Variants in CDIN1 observed in about 807,000 individuals in gnomAD.
CDIN1 encodes the protein CDAN1 interacting nuclease 1, also known as CDAN1-interacting nuclease 1.
In CDIN1, 33 loss-of-function variants were observed where a neutral mutation model predicts 45.3. That is an observed-to-expected ratio of 0.73 (90% CI 0.55 to 0.97). The LOEUF is 0.97. Ranked by LOEUF, CDIN1 falls within the 50% of genes least tolerant of loss-of-function variation. The probability of loss-of-function intolerance (pLI) is 0.00; values close to 1 mark genes in which losing one functional copy is unlikely to be tolerated. For synonymous variants in CDIN1, 118 were observed against 124.4 expected, an observed-to-expected ratio of 0.95 and a Z score of 0.34; for missense variants, 303 against 339.4, an observed-to-expected ratio of 0.89 and a Z score of 0.84.
At chr15:36,585,639 A>C (rs2037260951) in intron 1 of CDIN1, among the ~76,000 whole-genome samples, 1 of 152,148 alleles carries the variant, frequency 6.6e-6, no homozygotes, top group Non-Finnish European at 1.5e-5. Flanking sequence ...CACTTGATTA[A>C]GGTGGTGTCT....
intron 10 of CDIN1, among the ~76,000 whole-genome samples, chr15:36,750,569 C>T (rs1327423889): frequency 1.3e-5 from 2 of 152,072 alleles, no homozygotes; most frequent in Non-Finnish European, 2.9e-5. Flanking sequence ...TGGAGGGTGA[C>T]GTTGCTGATA....
chr15:36,650,309 A>G (rs1027032358), intron 3 of CDIN1, among the ~76,000 whole-genome samples: 1 of 152,218 alleles, frequency 6.6e-6, no homozygotes, highest in Non-Finnish European at 1.5e-5. Context: ...AAGAATAGAG[A>G]TATTTTCAAA....
intron 10 of CDIN1, among the ~76,000 whole-genome samples, chr15:36,752,820 A>G (rs889444227): frequency 1.3e-5 from 2 of 152,070 alleles, no homozygotes; most frequent in African/African-American, 2.4e-5. Context: ...GTATCTAAAA[A>G]CGCATCTTAC....
chr15:36,765,509 G>A (rs941500419), intron 10 of CDIN1, among the ~76,000 whole-genome samples: 4 of 152,042 alleles, frequency 2.6e-5, no homozygotes, highest in East Asian at 1.9e-4. Flanking sequence ...GAGAGTTTAC[G>A]TTAAAAAAAG....
At chr15:36,634,300 C>T (rs1029182954) in intron 1 of CDIN1, among the ~76,000 whole-genome samples, 1 of 138,626 alleles carries the variant, frequency 7.2e-6, no homozygotes, top group South Asian at 2.3e-4. Flanking sequence ...CGTGGTGGTG[C>T]ATGCCTGAAA....
At chr15:36,593,080 A>G (rs958680252) in intron 1 of CDIN1, among the ~76,000 whole-genome samples, 4 of 152,140 alleles carry the variant, frequency 2.6e-5, no homozygotes, top group African/African-American at 9.7e-5. Context: ...AAATAAGATA[A>G]TACATATAAA....
chr15:36,753,535 T>C (rs2053529976), intron 10 of CDIN1, among the ~76,000 whole-genome samples: 2 of 151,888 alleles, frequency 1.3e-5, no homozygotes, highest in Non-Finnish European at 2.9e-5. Flanking sequence ...ACTCTTCCAC[T>C]CCCTGAAAAC....
At chr15:36,806,563 T>G (rs527484732) in intron 10 of CDIN1, among the ~76,000 whole-genome samples, 1 of 152,298 alleles carries the variant, frequency 6.6e-6, no homozygotes, top group South Asian at 2.1e-4. Context: ...GAAGAATGTG[T>G]TGAGCTTAAT....
intron 2 of CDIN1, 115 bp from the exon 3 acceptor site, chr15:36,645,108 A>G (rs2040257502): frequency 1.3e-6 from 1 of 765,246 alleles, no homozygotes; most frequent in East Asian, 2.7e-5. Flanking sequence ...CCAAGCTGTT[A>G]TTCAGTGTTC....
Position 36,579,849 on chromosome 15 carries a change from C to A in CDIN1, c.-12C>A. The A allele has an allele frequency of 6.2e-7, 1 of 1,609,452 alleles. No individual in the cohort carries two copies. Among genetic ancestry groups the A allele is most frequent in the Non-Finnish European group, 8.5e-7 (1 of 1,177,494 alleles). ...TTCCTTGTTCCCGCCACCTCCTGGTCCCTGGCCCAACATGATACTGACCAA... is the reference window on the plus strand; with the variant it reads ...TTCCTTGTTCCCGCCACCTCCTGGTACCTGGCCCAACATGATACTGACCAA... On this transcript the variant is annotated 5_prime_UTR_variant, in exon 1 of 11. Coordinates refer to ENST00000566621, the MANE Select transcript of CDIN1 (RefSeq NM_001321759.2).
intron 1 of CDIN1, among the ~76,000 whole-genome samples, chr15:36,605,394 G>A (rs1566827322): frequency 1.3e-5 from 2 of 151,770 alleles, no homozygotes; most frequent in South Asian, 2.1e-4. Context: ...AATTCTCTCT[G>A]TTCTTTGTAG....
At chr15:36,638,969 C>A (rs1055475235) in intron 1 of CDIN1, among the ~76,000 whole-genome samples, 1 of 152,202 alleles carries the variant, frequency 6.6e-6, no homozygotes, top group African/African-American at 2.4e-5. Flanking sequence ...TTTTGATTCC[C>A]AGGTCTACTG....
chr15:36,619,478 T>C (rs1413698583), intron 1 of CDIN1, among the ~76,000 whole-genome samples: 1 of 115,440 alleles, frequency 8.7e-6, no homozygotes, highest in Non-Finnish European at 1.8e-5. Context: ...TTTCTATCTA[T>C]CTATCTATCT....
chr15:36,687,970 C>G (rs957458419), intron 5 of CDIN1, among the ~76,000 whole-genome samples: 1 of 151,774 alleles, frequency 6.6e-6, no homozygotes, highest in African/African-American at 2.4e-5. Flanking sequence ...AAAGTGTAAA[C>G]TATAAATGAA....
Position 36,771,348 on chromosome 15 carries a change from TAATAAAA to T in CDIN1, c.717-36966_717-36960del, listed in dbSNP as rs553220528. Among the ~76,000 whole-genome samples the T allele has an allele frequency of 3.7e-3, 559 of 151,942 alleles. 2 individuals carry two copies. The highest frequency in any genetic ancestry group is 0.013 in the African/African-American group (528 of 41,396). On this transcript the variant is annotated intron_variant, in intron 10 of 10. Transcript: ENST00000566621. The stretch of plus-strand genomic sequence containing the variant: ...CACATGTATCCCAGGACTTAAAGTA[TAATAAAA>T]AATAAAAAACAACAAAAAAAGAAAA...
rs2055301691 is a variant in CDIN1 at position 36,808,422 on chromosome 15, A to G, written c.815A>G (p.Asn272Ser). Residue 272 changes from asparagine to serine, a missense_variant, in exon 11 of 11, where the codon AAC becomes AGC. Coordinates refer to ENST00000566621, the MANE Select transcript of CDIN1 (RefSeq NM_001321759.2). ...GILLKACFPT[N>S]IVTLCHSIA ...CTGCTCAAAGCCTGTTTCCCCACGA[A>G]CATTGTCACCTTATGCCACAGCATA... 3 of 1,613,424 alleles carry G rather than the reference A, an allele frequency of 1.9e-6. No individual in the cohort carries two copies. Among genetic ancestry groups the G allele is most frequent in the Non-Finnish European group, 2.5e-6 (3 of 1,179,614 alleles).
intron 10 of CDIN1, among the ~76,000 whole-genome samples, chr15:36,724,625 T>G (rs1046116201): frequency 1.3e-5 from 2 of 152,138 alleles, no homozygotes; most frequent in African/African-American, 4.8e-5. Context: ...AGAAAGAGAT[T>G]AAGTGGTTTT....
intron 10 of CDIN1, among the ~76,000 whole-genome samples, chr15:36,791,078 C>T (rs2054633731): frequency 6.6e-6 from 1 of 152,092 alleles, no homozygotes; most frequent in Non-Finnish European, 1.5e-5. Flanking sequence ...TTACAATGGC[C>T]CTCTTTCTTG....
chr15:36,663,374 C>T (rs1183126117), intron 5 of CDIN1, among the ~76,000 whole-genome samples: 3 of 152,120 alleles, frequency 2.0e-5, no homozygotes, highest in Non-Finnish European at 4.4e-5. Flanking sequence ...AAGACAGATA[C>T]GGAAGATATC....
Sources: allele counts gnomAD v4.1 joint callset (sites outside exome capture counted in the v4.1 genomes callset), GRCh38; gene constraint gnomAD v4.1.1; transcripts MANE v1.5; gene names NCBI Gene and HGNC (gene_info 2026-07-23, HGNC 2026-07-21).